The following FAM170A variants were observed in gnomAD, a reference collection of about 807,000 sequenced individuals.
The protein encoded by FAM170A is family with sequence similarity 170 member A.
Under a neutral mutation model 36.6 loss-of-function variants are expected in FAM170A, and 28 were observed. That is an observed-to-expected ratio of 0.76 (90% CI 0.57 to 1.05). The LOEUF is 1.05. Ranked by LOEUF, FAM170A falls within the 50% of genes least tolerant of loss-of-function variation. FAM170A has a pLI of 0.00. For synonymous variants in FAM170A, 156 were observed against 143.9 expected, an observed-to-expected ratio of 1.08 and a Z score of -0.60; for missense variants, 434 against 396.5, an observed-to-expected ratio of 1.09 and a Z score of -0.80.
At chr5:119,633,418 T>A (rs756799786) in intron 2 of FAM170A, among the ~76,000 whole-genome samples, 1 of 152,036 alleles carries the variant, frequency 6.6e-6, no homozygotes. Flanking sequence ...TGTTGGGGTG[T>A]AGGGCCACAG....
chr5:119,634,604 A>C, exon 3 of FAM170A: 2 of 1,613,254 alleles, frequency 1.2e-6, no homozygotes, highest in Non-Finnish European at 1.7e-6. Flanking sequence ...GGAAAATGGA[A>C]ATGAGAAGGA....
At chr5:119,631,372 C>T (rs1756247709) in intron 1 of FAM170A, among the ~76,000 whole-genome samples, 1 of 152,086 alleles carries the variant, frequency 6.6e-6, no homozygotes, top group Non-Finnish European at 1.5e-5. Flanking sequence ...CCTTACATTT[C>T]AGAATGTTTT....
chr5:119,632,371 A>G (rs981389355), intron 1 of FAM170A, among the ~76,000 whole-genome samples: 1 of 152,248 alleles, frequency 6.6e-6, no homozygotes, highest in African/African-American at 2.4e-5. Flanking sequence ...CCATACAATC[A>G]GGAAAAATTA....
At chr5:119,633,455 C>T (rs1756300426) in intron 2 of FAM170A, among the ~76,000 whole-genome samples, 1 of 152,068 alleles carries the variant, frequency 6.6e-6, no homozygotes, top group African/African-American at 2.4e-5. Context: ...TTCATCGGAA[C>T]TATTTGGGCT....
intron 1 of FAM170A, among the ~76,000 whole-genome samples, chr5:119,630,321 ATTTTTTTTTTT>A (rs10603530): frequency 1.7e-5 from 2 of 118,392 alleles, no homozygotes; most frequent in Non-Finnish European, 3.3e-5. Context: ...CGCCTGGCTA[ATTTTTTTTTTT>A]TTTTTTTTTT....
At chr5:119,635,660 C>G (rs1169227742) in intron 4 of FAM170A, 40 bp from the exon 5 acceptor site, 1 of 154,624 alleles carries the variant, frequency 6.5e-6, no homozygotes, top group East Asian at 1.9e-4. Context: ...TTGTTTCTTG[C>G]CTCTTCCTCT....
chr5:119,634,007 G>A (rs765289599), exon 3 of FAM170A: 1 of 1,614,004 alleles, frequency 6.2e-7, no homozygotes, highest in South Asian at 1.1e-5. Context: ...ATCACCCCTG[G>A]CCCAGGTTCA....
exon 3 of FAM170A, chr5:119,634,346 T>C: frequency 6.2e-7 from 1 of 1,614,138 alleles, no homozygotes; most frequent in Non-Finnish European, 8.5e-7. Flanking sequence ...AAGGACAGAA[T>C]CAGACAGCCT....
intron 4 of FAM170A, among the ~76,000 whole-genome samples, chr5:119,635,329 G>T (rs1756358183): frequency 6.6e-6 from 1 of 152,208 alleles, no homozygotes; most frequent in Admixed American, 6.5e-5. Flanking sequence ...AGGTGCTGCA[G>T]CTCTTCTAGG....
rs2431369 is a variant in FAM170A at position 119,633,899 on chromosome 5, C to T, written c.212-61C>T. 1,959 of 1,548,500 alleles carry T rather than the reference C, an allele frequency of 1.3e-3. 23 individuals are homozygous for T. In the African/African-American group the frequency reaches 0.022, roughly 18 times the overall value. ...TCCTGCACCACACATATTTAACTTA[C>T]GTTCCCTCAGCTCCTAGCATGGCCC... On this transcript the variant is annotated intron_variant, in intron 2 of 4. Transcript: ENST00000613773.
chr5:119,634,537 C>G lies in FAM170A; in HGVS notation c.789C>G (p.Thr263=), dbSNP rs760278595. ...TCAGCTGCCACGTCTTTCATCTCACCATGGCTCAGCTGACAGGCAACATGG... is the reference window on the plus strand; with the variant it reads ...TCAGCTGCCACGTCTTTCATCTCACGATGGCTCAGCTGACAGGCAACATGG... Residue 263 remains threonine, a synonymous_variant, in exon 3 of 5, where the codon ACC becomes ACG. Coordinates refer to ENST00000613773, the Ensembl canonical transcript of FAM170A. The G allele has an allele frequency of 2.5e-6, 4 of 1,613,430 alleles. No individual in the cohort carries two copies. In the East Asian group the frequency reaches 6.7e-5, roughly 27 times the overall value.
intron 1 of FAM170A, among the ~76,000 whole-genome samples, chr5:119,630,970 G>A (rs1247363472): frequency 1.3e-5 from 2 of 152,206 alleles, no homozygotes; most frequent in African/African-American, 4.8e-5. Context: ...AAACCACGGA[G>A]GTTTGATTGC....
At chr5:119,634,224 A>G in exon 3 of FAM170A, 1 of 1,614,222 alleles carries the variant, frequency 6.2e-7, no homozygotes, top group South Asian at 1.1e-5. Flanking sequence ...CCAAGGATGG[A>G]AGAAGTGACC....
At chr5:119,633,858 C>A in intron 2 of FAM170A, 102 bp from the exon 3 acceptor site, 2 of 1,435,896 alleles carry the variant, frequency 1.4e-6, no homozygotes, top group Middle Eastern at 1.8e-4. Context: ...AGCTGCATCT[C>A]ACCACAGTCC....
chr5:119,630,310 A>C (rs974737149), intron 1 of FAM170A, among the ~76,000 whole-genome samples: 5 of 126,242 alleles, frequency 4.0e-5, no homozygotes, highest in African/African-American at 9.3e-5. Flanking sequence ...GCCCGCCACC[A>C]CGCCTGGCTA....
intron 2 of FAM170A, 150 bp from the exon 3 acceptor site, chr5:119,633,809 AC>A: frequency 1.0e-6 from 1 of 984,458 alleles, no homozygotes; most frequent in South Asian, 1.7e-5. Flanking sequence ...TAGAATCACT[AC>A]CCCACAATAT....
exon 3 of FAM170A, chr5:119,634,457 T>A: frequency 1.2e-6 from 2 of 1,614,192 alleles, no homozygotes; most frequent in Non-Finnish European, 1.7e-6. Flanking sequence ...CTGCCGGGTG[T>A]TCACCACCAT....
chr5:119,634,530 A>C (rs199949750), exon 3 of FAM170A: 17 of 1,613,524 alleles, frequency 1.1e-5, no homozygotes, highest in South Asian at 3.3e-5. Flanking sequence ...CACGTCTTTC[A>C]TCTCACCATG....
chr5:119,634,414 G>A lies in FAM170A; in HGVS notation c.666G>A (p.Val222=), dbSNP rs377151605. 41 of 1,614,144 alleles carry A rather than the reference G, an allele frequency of 2.5e-5. No homozygotes were observed. In the Middle Eastern group the frequency reaches 6.6e-4, roughly 26 times the overall value. The change falls in exon 3 of 5, where the codon GTG becomes GTA. Residue 222 remains valine (V), a synonymous_variant. Coordinates refer to ENST00000613773, the Ensembl canonical transcript of FAM170A. Reference sequence around the variant, plus strand: ...GAGCCAAGACTCCTGACTGGCTGGTGACCATGGAGAACGGCTTCAGGTGCA... The same window carrying A: ...GAGCCAAGACTCCTGACTGGCTGGTAACCATGGAGAACGGCTTCAGGTGCA...
Sources: allele counts gnomAD v4.1 joint callset (sites outside exome capture counted in the v4.1 genomes callset), GRCh38; gene constraint gnomAD v4.1.1; transcripts MANE v1.5; gene names NCBI Gene and HGNC (gene_info 2026-07-23, HGNC 2026-07-21).